The following WDR35 variants were observed in gnomAD, a reference collection of about 807,000 sequenced individuals.
The protein encoded by WDR35 is WD repeat-containing protein 35.
Under a neutral mutation model 158.3 loss-of-function variants are expected in WDR35, and 118 were observed. That is an observed-to-expected ratio of 0.75 (90% CI 0.64 to 0.87). The LOEUF (loss-of-function observed/expected upper bound fraction) is 0.87, where lower values mean the gene tolerates loss of function less well. WDR35 is among the 40% of genes least tolerant of loss of function. WDR35 has a pLI of 0.00. For synonymous variants in WDR35, 448 were observed against 476.1 expected (o/e 0.94, Z 0.77); for missense variants, 1,263 against 1,405.8 (o/e 0.90, Z 1.62).
intron 19 of WDR35, among the ~76,000 whole-genome samples, chr2:19,937,199 A>C (rs182749253): frequency 2.8e-3 from 428 of 152,360 alleles, no homozygotes; most frequent in African/African-American, 9.3e-3. Flanking sequence ...GGCTAAGATT[A>C]TCTGCTTTCA....
chr2:19,980,842 T>C (rs1263840162), intron 3 of WDR35, 59 bp from the exon 4 acceptor site: 13 of 1,444,914 alleles, frequency 9.0e-6, no homozygotes, highest in African/African-American at 1.4e-5. Context: ...CAAATTCACA[T>C]TTTTATATAA....
chr2:19,953,924 G>A lies in WDR35; in HGVS notation c.1310C>T (p.Ala437Val), dbSNP rs1671332812. 1 of 1,614,016 alleles carries A rather than the reference G, an allele frequency of 6.2e-7. No individual in the cohort carries two copies. Among genetic ancestry groups the A allele is most frequent in the Non-Finnish European group, 8.5e-7 (1 of 1,180,008 alleles). Residue 437 changes from alanine (A) to valine (V), a missense_variant, in exon 12 of 27, where the codon GCA (alanine) becomes GTA (valine). Transcript: ENST00000281405. ...KTHVIAASKEAFYTWQYRVAK... is the reference protein window; with the variant it reads ...KTHVIAASKEVFYTWQYRVAK... ...CACACGATATTGCCAGGTATAAAAT[G>A]CTTCTTTCGAGGCTGCTATCACATG...
In WDR35 at chr2:19,925,534, A is replaced by C. The variant is rs183947461; in HGVS notation, c.3121+4862T>G. On this transcript the variant is annotated intron_variant, in intron 25 of 26. Coordinates refer to ENST00000281405, the MANE Select transcript of WDR35 (RefSeq NM_020779.4). Reference sequence around the variant, plus strand: ...GCGGACATTTCAATCATTTCTCTACAGCACTGGCCATCTGCGTGGCCAATT... The same window carrying C: ...GCGGACATTTCAATCATTTCTCTACCGCACTGGCCATCTGCGTGGCCAATT... Among the ~76,000 whole-genome samples, 10 of 152,346 alleles carry C rather than the reference A, an allele frequency of 6.6e-5. No homozygotes were observed. The East Asian group carries it at 1.9e-3, about 29-fold the overall frequency.
Position 19,913,364 on chromosome 2 carries a change from C to A in WDR35, c.*194G>T, listed in dbSNP as rs372256007. 4 of 531,622 alleles carry A rather than the reference C, an allele frequency of 7.5e-6. No homozygotes were observed. Among genetic ancestry groups the A allele is most frequent in the Admixed American group, 3.5e-5 (1 of 28,768 alleles). The allele number at this position is 531,622 out of a possible 1,614,324, so 32.9% of individuals were successfully genotyped here. On this transcript the variant is annotated 3_prime_UTR_variant, in exon 27 of 27. Coordinates refer to ENST00000281405, the MANE Select transcript of WDR35 (RefSeq NM_020779.4). ...GATTTTCATACATTTATATGAAAAT[C>A]GGCCTTATTATTTCACAGTTGTATT...
intron 16 of WDR35, 56 bp downstream of exon 16, chr2:19,945,730 G>T: frequency 6.3e-7 from 1 of 1,594,298 alleles, no homozygotes; most frequent in Non-Finnish European, 8.6e-7. Flanking sequence ...AATCATCCAG[G>T]TTTTTATATT....
intron 4 of WDR35, 102 bp from the exon 5 acceptor site, chr2:19,978,981 A>C: frequency 6.9e-7 from 1 of 1,445,466 alleles, no homozygotes; most frequent in Non-Finnish European, 9.5e-7. Context: ...TGGGACAAAT[A>C]ACTGCAAAGT....
intron 17 of WDR35, among the ~76,000 whole-genome samples, chr2:19,938,801 C>G (rs780131301): frequency 6.6e-6 from 1 of 152,172 alleles, no homozygotes; most frequent in African/African-American, 2.4e-5. Flanking sequence ...TGACCTAATG[C>G]TCTCCTGCTT....
Position 19,913,668 on chromosome 2 carries a change from G to C in WDR35, c.3403C>G (p.Pro1135Ala). 1 of 1,613,948 alleles carries C rather than the reference G, an allele frequency of 6.2e-7. No homozygotes were observed. Among genetic ancestry groups the C allele is most frequent in the African/African-American group, 1.3e-5 (1 of 74,960 alleles). Residue 1135 changes from proline (P) to alanine (A), a missense_variant, in exon 27 of 27, where the codon CCA (proline) becomes GCA (alanine). Transcript: ENST00000281405. The part of the protein sequence containing the change: ...KLPTCVATGS[P>A]ITEYQFWMCS... ...ATCCAGAATTGATACTCAGTGATTG[G>C]GCTTCCTGTGGCAACGCATGTTGGC...
At position 19,935,519 on chromosome 2, in the gene WDR35, C is replaced by T. The variant is rs1488313642; in HGVS notation, c.2499G>A (p.Gly833=). Residue 833 remains glycine (G), a synonymous_variant, in exon 21 of 27, where the codon GGG becomes GGA. Transcript: ENST00000281405. The part of the protein sequence containing the change: ...ECYYMLEDYE[G]LENLAISLPE... ...GAAGTGAAATGGCAAGGTTCTCTAA[C>T]CCTTCATAATCCTCTAACATATAGT... 2 of 1,613,140 alleles carry T rather than the reference C, an allele frequency of 1.2e-6. No homozygotes were observed. The highest frequency in any genetic ancestry group is 1.3e-5 in the African/African-American group (1 of 75,004).
chr2:19,981,807 C>T (rs1027681610), intron 3 of WDR35, among the ~76,000 whole-genome samples: 7 of 152,198 alleles, frequency 4.6e-5, no homozygotes, highest in African/African-American at 9.7e-5. Context: ...GTGTTAGCCA[C>T]TACACCCAGT....
At chr2:19,959,969 T>A (rs1671582607) in intron 11 of WDR35, among the ~76,000 whole-genome samples, 1 of 152,050 alleles carries the variant, frequency 6.6e-6, no homozygotes, top group African/African-American at 2.4e-5. Context: ...ATGGGTTACT[T>A]TCATAGTTAT....
intron 12 of WDR35, among the ~76,000 whole-genome samples, chr2:19,952,107 C>T (rs1271706246): frequency 6.6e-6 from 1 of 152,082 alleles, no homozygotes; most frequent in East Asian, 1.9e-4. Context: ...TTAGTGCAAC[C>T]ACAACCCAAG....
intron 2 of WDR35, among the ~76,000 whole-genome samples, chr2:19,984,022 TATATATATATATATATATAC>T (rs747753567): frequency 0.049 from 174 of 3,570 alleles, 2 homozygotes; most frequent in South Asian, 0.34. Flanking sequence ...TATATATATA[TATATATATATATATATATAC>T]ATATATACAC....
chr2:19,967,225 G>A (rs1383329048), intron 9 of WDR35, among the ~76,000 whole-genome samples: 2 of 152,166 alleles, frequency 1.3e-5, no homozygotes, highest in African/African-American at 4.8e-5. Flanking sequence ...GGGGACAACA[G>A]GTAGCGTGAT....
rs144039055 is a variant in WDR35 at position 19,913,357 on chromosome 2, T to G, written c.*201A>C. On this transcript the variant is annotated 3_prime_UTR_variant, in exon 27 of 27. Transcript: ENST00000281405. The stretch of plus-strand genomic sequence containing the variant: ...CATGGTTGATTTTCATACATTTATA[T>G]GAAAATCGGCCTTATTATTTCACAG... The G allele has an allele frequency of 1.9e-6, 1 of 525,658 alleles. No individual in the cohort carries two copies. The allele number at this position is 525,658 out of a possible 1,614,324, so 32.6% of individuals were successfully genotyped here.
In WDR35 at chr2:19,935,554, C is replaced by T. The variant is rs1200161857; in HGVS notation, c.2464G>A (p.Ala822Thr). The T allele has an allele frequency of 1.2e-6, 2 of 1,613,020 alleles. No homozygotes were observed. The highest frequency in any genetic ancestry group is 8.5e-7 in the Non-Finnish European group (1 of 1,179,614). Residue 822 changes from alanine to threonine, a missense_variant, in exon 21 of 27, where the codon GCT becomes ACT. Transcript: ENST00000281405. ...TCCTCTAACATATAGTAACATTCAG[C>T]TAAGCGTTCCTGGTTCCGTCCTTGT... Reference protein sequence around the residue: ...YVQGRNQERLAECYYMLEDYE... With the variant: ...YVQGRNQERLTECYYMLEDYE...
intron 17 of WDR35, among the ~76,000 whole-genome samples, chr2:19,941,001 A>G (rs1264242979): frequency 1.3e-5 from 2 of 152,182 alleles, no homozygotes; most frequent in Non-Finnish European, 2.9e-5. Context: ...CTGGCTCACA[A>G]TAAAATAGCC....
rs1329669479 is a variant in WDR35, at chr2:19,974,500, C to T, written c.704G>A (p.Arg235Lys). Residue 235 changes from arginine (R) to lysine (K), a missense_variant, in exon 7 of 27, where the codon AGA (arginine) becomes AAA (lysine). Transcript: ENST00000281405. ...PCLAVCFDNG[R>K]CQIMRHENDQ... ...ATTCTCATGTCTCATTATTTGGCAT[C>T]TTCCATTATCAAAGCAAACAGCAAG... The T allele has an allele frequency of 6.2e-7, 1 of 1,611,060 alleles. No individual in the cohort carries two copies. Among genetic ancestry groups the T allele is most frequent in the African/African-American group, 1.3e-5 (1 of 74,854 alleles).
chr2:19,978,419 T>C (rs370858910), intron 5 of WDR35, among the ~76,000 whole-genome samples: 1 of 152,148 alleles, frequency 6.6e-6, no homozygotes, highest in Admixed American at 6.5e-5. Context: ...CACAGACTTT[T>C]TGAAACTAAA....
Sources: allele counts gnomAD v4.1 joint callset (sites outside exome capture counted in the v4.1 genomes callset), GRCh38; gene constraint gnomAD v4.1.1; transcripts MANE v1.5; gene names NCBI Gene and HGNC (gene_info 2026-07-23, HGNC 2026-07-21).